The following NSMCE2 variants were observed in gnomAD, a reference collection of about 807,000 sequenced individuals.
NSMCE2 encodes the protein E3 SUMO-protein ligase NSE2.
Under a neutral mutation model 23.8 loss-of-function variants are expected in NSMCE2, and 24 were observed. The observed-to-expected ratio is 1.01, with a 90% confidence interval of 0.73 to 1.42. The LOEUF (loss-of-function observed/expected upper bound fraction) is 1.42. Among genes scored for constraint, NSMCE2 ranks in the 40% most tolerant of loss-of-function variants. The pLI is 0.00. For missense variants in NSMCE2, 284 were observed against 296.5 expected (o/e 0.96, Z 0.31); for synonymous variants, 92 against 94.1 (o/e 0.98, Z 0.13).
Position 125,256,487 on chromosome 8 carries a change from C to T in NSMCE2, c.418+74231C>T, listed in dbSNP as rs140376255. 4.7e-3 allele frequency among the ~76,000 whole-genome samples: 719 copies of T among 152,100 alleles called. 2 individuals are homozygous for T. Among genetic ancestry groups the T allele is most frequent in the Non-Finnish European group, 8.4e-3 (572 of 67,998 alleles). On this transcript the variant is annotated intron_variant, in intron 5 of 7. Coordinates refer to ENST00000287437, the MANE Select transcript of NSMCE2 (RefSeq NM_173685.4). ...TGTAAAGTCTCTGGCATCCATGTAGCGATGTCAGTGAGGCAGTTGGAAATA... is the reference window on the plus strand; with the variant it reads ...TGTAAAGTCTCTGGCATCCATGTAGTGATGTCAGTGAGGCAGTTGGAAATA...
rs181777622 is a variant in NSMCE2 at position 125,272,766 on chromosome 8, T to C, written c.419-84453T>C. On this transcript the variant is annotated intron_variant, in intron 5 of 7. Coordinates refer to ENST00000287437, the MANE Select transcript of NSMCE2 (RefSeq NM_173685.4). ...ATATATATACACACGTATATATATA[T>C]ACACACACACGTATATATATACACA... Among the ~76,000 whole-genome samples, 24 of 141,782 alleles carry C rather than the reference T, an allele frequency of 1.7e-4. No homozygotes were observed. The East Asian group carries it at 2.4e-3, about 14-fold the overall frequency. 93.0% of individuals were successfully genotyped at this position (141,782 alleles called of 152,430 possible). A position where few individuals can be genotyped will look rare whatever the true frequency, so the allele number is the denominator to read the frequency against.
chr8:125,295,256 TGA>T (rs1828276828), intron 5 of NSMCE2, among the ~76,000 whole-genome samples: 1 of 152,144 alleles, frequency 6.6e-6, no homozygotes, highest in African/African-American at 2.4e-5. Flanking sequence ...CCTAATCTGG[TGA>T]CCTTTGTGTT....
At chr8:125,251,921 G>T (rs1465387034) in intron 5 of NSMCE2, among the ~76,000 whole-genome samples, 1 of 152,154 alleles carries the variant, frequency 6.6e-6, no homozygotes, top group African/African-American at 2.4e-5. Flanking sequence ...ACCTCAGAAG[G>T]GGAAGCAGGC....
intron 7 of NSMCE2, among the ~76,000 whole-genome samples, chr8:125,366,523 GA>G (rs1011005423): frequency 4.7e-5 from 7 of 148,542 alleles, no homozygotes; most frequent in African/African-American, 9.9e-5. Flanking sequence ...CTCCGTCTCA[GA>G]AAAAAAAAAG....
intron 5 of NSMCE2, among the ~76,000 whole-genome samples, chr8:125,214,778 A>G (rs1824502934): frequency 6.6e-6 from 1 of 152,098 alleles, no homozygotes; most frequent in Non-Finnish European, 1.5e-5. Context: ...TTTTTACATT[A>G]GGTTTATGCT....
In NSMCE2 at chr8:125,095,788, A is replaced by G. The variant is rs770346526; in HGVS notation, c.-111+3830A>G. The stretch of plus-strand genomic sequence containing the variant: ...TCCCAGCTACTGGGGAGGCTGAGGC[A>G]AGAGAATTGCATGAACCTGGGAGGC... On this transcript the variant is annotated intron_variant, in intron 1 of 7. Transcript: ENST00000287437. 9.3e-5 allele frequency among the ~76,000 whole-genome samples: 14 copies of G among 151,058 alleles called. 1 individual carries two copies. The highest frequency in any genetic ancestry group is 2.1e-4 in the South Asian group (1 of 4,780).
intron 7 of NSMCE2, among the ~76,000 whole-genome samples, chr8:125,361,368 ACAGT>A: frequency 6.6e-6 from 1 of 151,576 alleles, no homozygotes; most frequent in African/African-American, 2.4e-5. Flanking sequence ...TAACCTGACC[ACAGT>A]CACTTTTTTG....
At chr8:125,278,922 G>C (rs1563759924) in intron 5 of NSMCE2, among the ~76,000 whole-genome samples, 1 of 151,798 alleles carries the variant, frequency 6.6e-6, no homozygotes, top group African/African-American at 2.4e-5. Flanking sequence ...GATGGGATTG[G>C]AATTAAGGCA....
chr8:125,155,293 T>C (rs552034459), intron 4 of NSMCE2, among the ~76,000 whole-genome samples: 1 of 152,244 alleles, frequency 6.6e-6, no homozygotes, highest in South Asian at 2.1e-4. Flanking sequence ...GTCAAATGAG[T>C]CTCAACATGG....
At chr8:125,146,247 T>C (rs1050780636) in intron 3 of NSMCE2, among the ~76,000 whole-genome samples, 5 of 152,140 alleles carry the variant, frequency 3.3e-5, no homozygotes, top group African/African-American at 9.7e-5. Flanking sequence ...CCTCCTTGTG[T>C]TTAAATACCT....
chr8:125,150,789 A>ATC (rs1289203611), intron 3 of NSMCE2, among the ~76,000 whole-genome samples: 1 of 152,136 alleles, frequency 6.6e-6, no homozygotes, highest in African/African-American at 2.4e-5. Context: ...TTCACAGTTT[A>ATC]TGCAACAGAT....
chr8:125,263,978 C>T (rs1826809790), intron 5 of NSMCE2, among the ~76,000 whole-genome samples: 1 of 152,200 alleles, frequency 6.6e-6, no homozygotes, highest in South Asian at 2.1e-4. Flanking sequence ...AGTTTTTCTA[C>T]TGTTCTCATG....
At chr8:125,278,086 G>A (rs780936106) in intron 5 of NSMCE2, among the ~76,000 whole-genome samples, 1 of 152,160 alleles carries the variant, frequency 6.6e-6, no homozygotes, top group African/African-American at 2.4e-5. Context: ...CACATAGCCC[G>A]TGAAATATTT....
chr8:125,303,002 C>G (rs557961292), intron 5 of NSMCE2, among the ~76,000 whole-genome samples: 1 of 152,250 alleles, frequency 6.6e-6, no homozygotes, highest in South Asian at 2.1e-4. Flanking sequence ...TGCTGCAGCT[C>G]CACACTCCCC....
At chr8:125,105,396 C>T (rs1022333217) in intron 3 of NSMCE2, among the ~76,000 whole-genome samples, 1 of 151,926 alleles carries the variant, frequency 6.6e-6, no homozygotes, top group Non-Finnish European at 1.5e-5. Flanking sequence ...GAACATAACC[C>T]CTTGGGAGAT....
At chr8:125,296,100 G>T (rs987072128) in intron 5 of NSMCE2, among the ~76,000 whole-genome samples, 1 of 151,954 alleles carries the variant, frequency 6.6e-6, no homozygotes, top group Non-Finnish European at 1.5e-5. Flanking sequence ...TTTACTACAC[G>T]CTAGGCATTA....
At chr8:125,216,467 C>T (rs191402215) in intron 5 of NSMCE2, among the ~76,000 whole-genome samples, 5 of 152,150 alleles carry the variant, frequency 3.3e-5, no homozygotes, top group African/African-American at 9.6e-5. Context: ...TGGAGAAACC[C>T]GCTTTCTACT....
At chr8:125,343,411 GTATTT>G (rs1830319376) in intron 5 of NSMCE2, among the ~76,000 whole-genome samples, 1 of 152,170 alleles carries the variant, frequency 6.6e-6, no homozygotes, top group African/African-American at 2.4e-5. Context: ...TTCTGTACAA[GTATTT>G]TATTATTGTT....
chr8:125,303,980 C>G (rs888397204), intron 5 of NSMCE2, among the ~76,000 whole-genome samples: 4 of 152,216 alleles, frequency 2.6e-5, no homozygotes, highest in African/African-American at 9.6e-5. Context: ...TTTGACCTTT[C>G]TAAGAAATTG....
Sources: gnomAD v4.1 joint callset for allele counts (sites outside exome capture counted in the v4.1 genomes callset) on GRCh38, gnomAD v4.1.1 for gene constraint, MANE v1.5 for transcripts, NCBI Gene and HGNC (gene_info 2026-07-23, HGNC 2026-07-21) for gene names.